Variants in UBN2 observed in about 807,000 individuals in gnomAD.
UBN2 encodes ubinuclein-2.
UBN2 carries 35 observed loss-of-function variants against 120.2 expected under a neutral mutation model. The observed-to-expected ratio is 0.29, with a 90% CI of 0.22 to 0.39. UBN2 has a LOEUF of 0.39. Ranked by LOEUF, UBN2 falls within the 10% of genes least tolerant of loss-of-function variation. The probability of loss-of-function intolerance (pLI) is 1.00; values close to 1 mark genes in which losing one functional copy is unlikely to be tolerated. For missense variants in UBN2, 1,693 were observed against 1,663.2 expected (o/e 1.02, Z -0.31); for synonymous variants, 661 against 648.7 (o/e 1.02, Z -0.29).
At chr7:139,311,985 A>AT (rs1798454500), downstream of UBN2, among the ~76,000 whole-genome samples, 1 of 152,150 alleles carries the variant, frequency 6.6e-6, no homozygotes, top group Admixed American at 6.5e-5. Flanking sequence ...CTCTCTTTCT[A>AT]TAGTCAAATG....
chr7:139,298,025 T>A lies in UBN2; in HGVS notation c.*189T>A. ...CAAAGCCAGGTGCAGGAGGAAGAAA[T>A]GCTTTTGTGCAAAGTTAGTGACCTT... On this transcript the variant is annotated 3_prime_UTR_variant, in exon 18 of 18. Transcript: ENST00000473989. 1 of 597,238 alleles carries A rather than the reference T, an allele frequency of 1.7e-6. No homozygotes were observed. 37.0% of individuals were successfully genotyped at this position (597,238 alleles called of 1,614,324 possible).
intron 12 of UBN2, among the ~76,000 whole-genome samples, chr7:139,278,268 A>G (rs899199554): frequency 4.1e-5 from 6 of 145,664 alleles, no homozygotes; most frequent in Non-Finnish European, 7.4e-5. Flanking sequence ...TGCAACGTCC[A>G]TCTCCCAGGT....
chr7:139,278,690 G>A (rs898630780), intron 12 of UBN2, among the ~76,000 whole-genome samples: 7 of 151,740 alleles, frequency 4.6e-5, no homozygotes, highest in African/African-American at 7.3e-5. Context: ...CAAGATTCTT[G>A]TTAATCTAAT....
intron 2 of UBN2, among the ~76,000 whole-genome samples, chr7:139,250,310 G>A (rs1205839494): frequency 6.6e-6 from 1 of 151,956 alleles, no homozygotes; most frequent in Non-Finnish European, 1.5e-5. Flanking sequence ...TCGGCTCACT[G>A]CAACGTCCGC....
intron 17 of UBN2, 152 bp downstream of exon 17, chr7:139,294,133 C>A (rs941794642): frequency 2.8e-6 from 2 of 713,532 alleles, no homozygotes; most frequent in Non-Finnish European, 4.7e-6. Context: ...GCAACAGATT[C>A]CTTTTAAGAG....
intron 17 of UBN2, among the ~76,000 whole-genome samples, chr7:139,295,094 T>G (rs1252576166): frequency 6.6e-6 from 1 of 152,070 alleles, no homozygotes; most frequent in Non-Finnish European, 1.5e-5. Flanking sequence ...CTCACTTTTT[T>G]TTTTTTTTTT....
intron 17 of UBN2, among the ~76,000 whole-genome samples, chr7:139,294,730 A>G (rs1798062275): frequency 1.3e-5 from 2 of 152,190 alleles, no homozygotes; most frequent in Non-Finnish European, 2.9e-5. Context: ...AGTCCCAGCT[A>G]CTTGGGAGGC....
At chr7:139,329,079 C>T in the UBN2 span, among the ~76,000 whole-genome samples, 1 of 150,588 alleles carries the variant, frequency 6.6e-6, no homozygotes, top group Non-Finnish European at 1.5e-5. Flanking sequence ...GATCCAATCT[C>T]TATTTTTTTT....
chr7:139,293,532 C>A, intron 16 of UBN2, 69 bp downstream of exon 16: 5 of 1,307,280 alleles, frequency 3.8e-6, no homozygotes, highest in Non-Finnish European at 5.5e-6. Context: ...CAAATTTATT[C>A]TAATTAAGAG....
In UBN2 at chr7:139,231,614, C is replaced by T; in HGVS notation, c.130C>T (p.Arg44Cys). The change falls in exon 1 of 18, where the codon CGC (arginine) becomes TGC (cysteine). Residue 44 changes from arginine to cysteine, a missense_variant. Arg to Cys is a radical substitution (Grantham distance 180, BLOSUM62 -3). Around this residue, in one of 5 missense-constraint regions of UBN2, gnomAD observed 663 missense variants for 591.2 expected, o/e 1.12. Coordinates refer to ENST00000473989, the MANE Select transcript of UBN2 (RefSeq NM_173569.4). Reference sequence around the variant, plus strand: ...CCCCCGGCTGGAGCCGCAGCCGTACCGCGAGCCGGCCCGGGCGGAGCCGCC... The same window carrying T: ...CCCCCGGCTGGAGCCGCAGCCGTACTGCGAGCCGGCCCGGGCGGAGCCGCC... The part of the protein sequence containing the change: ...EPPRLEPQPY[R>C]EPARAEPPAP... The T allele has an allele frequency of 2.2e-6, 3 of 1,339,492 alleles. No individual in the cohort carries two copies. The highest frequency in any genetic ancestry group is 1.5e-5 in the African/African-American group (1 of 66,280). The allele number at this position is 1,339,492 out of a possible 1,614,324, so 83.0% of individuals were successfully genotyped here. A position where few individuals can be genotyped will look rare whatever the true frequency, so the allele number is the denominator to read the frequency against.
chr7:139,313,894 G>A, the UBN2 span, among the ~76,000 whole-genome samples: 13 of 151,124 alleles, frequency 8.6e-5, 1 homozygote, highest in African/African-American at 3.2e-4. Flanking sequence ...TGTTGCCCAG[G>A]CTGGAGTGCA....
the UBN2 span, among the ~76,000 whole-genome samples, chr7:139,327,437 C>T: frequency 8.4e-4 from 128 of 152,278 alleles, no homozygotes; most frequent in African/African-American, 2.9e-3. Flanking sequence ...ATTTATTTCT[C>T]ATAATTCTGG....
At chr7:139,320,186 A>G in the UBN2 span, among the ~76,000 whole-genome samples, 8 of 151,252 alleles carry the variant, frequency 5.3e-5, no homozygotes, top group Non-Finnish European at 1.0e-4. Flanking sequence ...TTCTGACCAG[A>G]CGTGATGGCT....
chr7:139,308,179 C>T lies in UBN2; in HGVS notation c.*10343C>T, dbSNP rs1305656078. The T allele has an allele frequency of 1.3e-5, 2 of 151,672 alleles. No homozygotes were observed. Among genetic ancestry groups the T allele is most frequent in the Non-Finnish European group, 2.9e-5 (2 of 67,878 alleles). 9.4% of individuals were successfully genotyped at this position (151,672 alleles called of 1,614,324 possible). A position where few individuals can be genotyped will look rare whatever the true frequency, so the allele number is the denominator to read the frequency against. ...CAGGGCCTTTTAATGAGTGTTTTTTCTTTTTGTATATGTTACGTGTTTGTT... is the reference window on the plus strand; with the variant it reads ...CAGGGCCTTTTAATGAGTGTTTTTTTTTTTTGTATATGTTACGTGTTTGTT... On this transcript the variant is annotated 3_prime_UTR_variant, in exon 18 of 18. Coordinates refer to ENST00000473989, the MANE Select transcript of UBN2 (RefSeq NM_173569.4).
chr7:139,311,743 G>A (rs1798451350), downstream of UBN2, among the ~76,000 whole-genome samples: 1 of 152,210 alleles, frequency 6.6e-6, no homozygotes, highest in African/African-American at 2.4e-5. Flanking sequence ...ATCTGGTGTA[G>A]TTATTGCTTA....
chr7:139,316,780 T>C, the UBN2 span, among the ~76,000 whole-genome samples: 9 of 151,958 alleles, frequency 5.9e-5, no homozygotes, highest in South Asian at 4.1e-4. Flanking sequence ...TGTGTGTGTG[T>C]ATATATATAT....
chr7:139,282,946 T>G, intron 14 of UBN2, 78 bp from the exon 15 acceptor site: 1 of 1,181,932 alleles, frequency 8.5e-7, no homozygotes, highest in Non-Finnish European at 1.2e-6. Flanking sequence ...GTCATGAGAA[T>G]CTTTTAGTTA....
In UBN2 at chr7:139,297,988, A is replaced by G. The variant is rs1455354874; in HGVS notation, c.*152A>G. ...TGGTGAGGAGGAAAAAGAAAAGAAA[A>G]CATTACTTGAGCAAAGCCAGGTGCA... is the stretch of plus-strand genomic sequence containing the variant. On this transcript the variant is annotated 3_prime_UTR_variant, in exon 18 of 18. Coordinates refer to ENST00000473989, the MANE Select transcript of UBN2 (RefSeq NM_173569.4). 1 of 820,424 alleles carries G rather than the reference A, an allele frequency of 1.2e-6. No individual in the cohort carries two copies. Among genetic ancestry groups the G allele is most frequent in the Admixed American group, 2.7e-5 (1 of 36,796 alleles). 50.8% of individuals were successfully genotyped at this position (820,424 alleles called of 1,614,324 possible).
chr7:139,300,207 G>C lies in UBN2; in HGVS notation c.*2371G>C, dbSNP rs993035436. ...AAGAATACAATGTGGAGATTCTTCT[G>C]TGTTCTCTTTAGTCTTGATTCCTTG... is the stretch of plus-strand genomic sequence containing the variant. On this transcript the variant is annotated 3_prime_UTR_variant, in exon 18 of 18. Transcript: ENST00000473989. 1 of 152,122 alleles carries C rather than the reference G, an allele frequency of 6.6e-6. No homozygotes were observed. 9.4% of individuals were successfully genotyped at this position (152,122 alleles called of 1,614,324 possible).
Sources: gnomAD v4.1 joint callset for allele counts (sites outside exome capture counted in the v4.1 genomes callset) on GRCh38, gnomAD v4.1.1 for gene constraint, gnomAD v4.1.1 regional missense constraint, MANE v1.5 for transcripts, NCBI Gene and HGNC (gene_info 2026-07-23, HGNC 2026-07-21) for gene names.